Variants in UGT1A8 observed in about 807,000 individuals in gnomAD.
UGT1A8 encodes the protein UDP-glucuronosyltransferase 1A8.
In UGT1A8, 39 loss-of-function variants were observed where a neutral mutation model predicts 45.3. The ratio of observed to expected loss-of-function variants is 0.86; its 90% confidence interval spans 0.67 to 1.12. The LOEUF (loss-of-function observed/expected upper bound fraction) is 1.12, where lower values mean the gene tolerates loss of function less well. Ranked by LOEUF, UGT1A8 falls within the 50% of genes most tolerant of loss-of-function variation. UGT1A8 has a pLI of 0.00. For missense variants in UGT1A8, 719 were observed against 664.9 expected, an observed-to-expected ratio of 1.08 and a Z score of -0.90; for synonymous variants, 275 against 249.2, an observed-to-expected ratio of 1.10 and a Z score of -0.97.
intron 1 of UGT1A8, among the ~76,000 whole-genome samples, chr2:233,678,756 A>C (rs1033605150): frequency 9.8e-6 from 1 of 102,106 alleles, no homozygotes; most frequent in Non-Finnish European, 2.5e-5. Context: ...ACTCATCTCT[A>C]TCAGGTCATC....
intron 1 of UGT1A8, chr2:233,729,152 T>G: frequency 1.2e-6 from 2 of 1,613,556 alleles, no homozygotes. Context: ...CAGGTTCCCC[T>G]GCCGTGGCTG....
Position 233,744,055 on chromosome 2 carries a change from C to A in UGT1A8, c.856-22979C>A, listed in dbSNP as rs115067532. 2,270 of 645,232 alleles carry A rather than the reference C, an allele frequency of 3.5e-3. 102 individuals carry two copies. The African/African-American group carries it at 0.042, about 12-fold the overall frequency. 40.0% of individuals were successfully genotyped at this position (645,232 alleles called of 1,614,324 possible). A position where few individuals can be genotyped will look rare whatever the true frequency, so the allele number is the denominator to read the frequency against. ...TATGACGCAGCCACATCTCATTGGT[C>A]GAGGCCTATGAGCGCCTCGCATCCC... is the stretch of plus-strand genomic sequence containing the variant. On this transcript the variant is annotated intron_variant, in intron 1 of 4. Coordinates refer to ENST00000373450, the MANE Select transcript of UGT1A8 (RefSeq NM_019076.5).
intron 1 of UGT1A8, among the ~76,000 whole-genome samples, chr2:233,698,964 G>T (rs996769646): frequency 6.6e-6 from 1 of 152,212 alleles, no homozygotes; most frequent in Non-Finnish European, 1.5e-5. Flanking sequence ...GGCCCTTGGG[G>T]AAGCCCTTTG....
Position 233,691,777 on chromosome 2 carries a change from C to T in UGT1A8, c.855+73215C>T, listed in dbSNP as rs1445680377. 1.3e-4 allele frequency: 40 copies of T among 315,194 alleles called. 1 individual carries two copies. Among genetic ancestry groups the T allele is most frequent in the Non-Finnish European group, 1.7e-4 (36 of 217,008 alleles). 19.5% of individuals were successfully genotyped at this position (315,194 alleles called of 1,614,324 possible). ...GACTCCTGCTCTAGGATTCTCACCA[C>T]GTACTGGCTAGACTTATACTTCTCA... On this transcript the variant is annotated intron_variant, in intron 1 of 4. Transcript: ENST00000373450.
chr2:233,680,710 T>G (rs1198457516), intron 1 of UGT1A8, among the ~76,000 whole-genome samples: 3 of 152,166 alleles, frequency 2.0e-5, no homozygotes, highest in East Asian at 3.9e-4. Context: ...AGATGTAATC[T>G]CATCCTCAAG....
chr2:233,719,519 T>A (rs757746269), intron 1 of UGT1A8: 1 of 1,613,814 alleles, frequency 6.2e-7, no homozygotes, highest in East Asian at 2.2e-5. Flanking sequence ...CTTATGCAAG[T>A]CTTGCCTCTG....
chr2:233,659,368 C>A (rs768183090), intron 1 of UGT1A8, among the ~76,000 whole-genome samples: 17 of 152,034 alleles, frequency 1.1e-4, no homozygotes, highest in Non-Finnish European at 2.4e-4. Context: ...CCAATGAACA[C>A]ATATTTGATA....
At chr2:233,721,319 C>T (rs1043522637) in intron 1 of UGT1A8, among the ~76,000 whole-genome samples, 9 of 152,144 alleles carry the variant, frequency 5.9e-5, no homozygotes, top group African/African-American at 2.2e-4. Flanking sequence ...TGGCTCTTTT[C>T]TTGTGGTTTT....
intron 1 of UGT1A8, chr2:233,682,769 C>A (rs2074598452): frequency 1.2e-6 from 2 of 1,613,578 alleles, no homozygotes; most frequent in Non-Finnish European, 8.5e-7. Flanking sequence ...TATCAACTGT[C>A]ATCAGGGAAA....
chr2:233,689,865 T>C (rs1407073564), intron 1 of UGT1A8: 1 of 456,466 alleles, frequency 2.2e-6, no homozygotes, highest in Non-Finnish European at 4.4e-6. Context: ...TACTATTACC[T>C]TCTTGCTTAT....
intron 1 of UGT1A8, among the ~76,000 whole-genome samples, chr2:233,678,378 G>C (rs1358050976): frequency 6.6e-6 from 1 of 152,152 alleles, no homozygotes; most frequent in Non-Finnish European, 1.5e-5. Flanking sequence ...TCCATTGAGT[G>C]GGCTGTGGAG....
At chr2:233,653,743 C>G (rs1365048268) in intron 1 of UGT1A8, among the ~76,000 whole-genome samples, 1 of 152,148 alleles carries the variant, frequency 6.6e-6, no homozygotes, top group African/African-American at 2.4e-5. Flanking sequence ...ATTACAGATG[C>G]CCACCACCAC....
chr2:233,632,616 A>T (rs2073211035), intron 1 of UGT1A8, among the ~76,000 whole-genome samples: 1 of 149,380 alleles, frequency 6.7e-6, no homozygotes, highest in Non-Finnish European at 1.5e-5. Flanking sequence ...GGGAGTTTAC[A>T]ATTTGGCTCT....
chr2:233,732,689 A>G (rs539580267), intron 1 of UGT1A8, among the ~76,000 whole-genome samples: 1 of 150,444 alleles, frequency 6.6e-6, no homozygotes, highest in African/African-American at 2.4e-5. Context: ...ACCAGCACCC[A>G]TGCTGTTTTG....
rs8330 is a variant in UGT1A8 at position 233,772,999 on chromosome 2, G to C, written c.*440G>C. ...ATAATGGTCAGTCCTCATCTCTGTC[G>C]TGCTTCATAGGTGCCACCTTGTGTG... On this transcript the variant is annotated 3_prime_UTR_variant, in exon 5 of 5. Transcript: ENST00000373450. 179,059 of 238,554 alleles carry C rather than the reference G, an allele frequency of 0.75. 68,191 individuals carry two copies. Among genetic ancestry groups the C allele is most frequent in the East Asian group, 0.88 (8,737 of 9,894 alleles). The allele number at this position is 238,554 out of a possible 1,614,324, so 14.8% of individuals were successfully genotyped here.
intron 4 of UGT1A8, among the ~76,000 whole-genome samples, 154 bp from the exon 5 acceptor site, chr2:233,772,106 CTG>C (rs1172403577): frequency 6.6e-6 from 1 of 152,016 alleles, no homozygotes; most frequent in African/African-American, 2.4e-5. Context: ...GGGCAAGACT[CTG>C]TATCTAAAAA....
rs993277218 is a variant in UGT1A8 at position 233,747,483 on chromosome 2, C to T, written c.856-19551C>T. 8 of 1,608,492 alleles carry T rather than the reference C, an allele frequency of 5.0e-6. No individual in the cohort carries two copies. The Admixed American group carries it at 5.0e-5, about 10-fold the overall frequency. Reference sequence around the variant, plus strand: ...TTCATGGACCCAGGATGAATTTGATCGCCTTGTGCTGGGCCACACTCAACT... The same window carrying T: ...TTCATGGACCCAGGATGAATTTGATTGCCTTGTGCTGGGCCACACTCAACT... On this transcript the variant is annotated intron_variant, in intron 1 of 4. Coordinates refer to ENST00000373450, the MANE Select transcript of UGT1A8 (RefSeq NM_019076.5).
chr2:233,750,536 C>T (rs1250970148), intron 1 of UGT1A8: 1 of 151,960 alleles, frequency 6.6e-6, no homozygotes, highest in Non-Finnish European at 1.5e-5. Flanking sequence ...AAAATGGCTT[C>T]AGTGCACATC....
At chr2:233,649,361 T>C (rs1327059622) in intron 1 of UGT1A8, among the ~76,000 whole-genome samples, 2 of 152,194 alleles carry the variant, frequency 1.3e-5, no homozygotes, top group African/African-American at 4.8e-5. Context: ...ATTATGACTT[T>C]TTTAGTATTT....
Sources: allele counts gnomAD v4.1 joint callset (sites outside exome capture counted in the v4.1 genomes callset), GRCh38; gene constraint gnomAD v4.1.1; transcripts MANE v1.5; gene names NCBI Gene and HGNC (gene_info 2026-07-23, HGNC 2026-07-21).